Variants in FBXL17 observed in about 807,000 individuals in gnomAD.
FBXL17 encodes F-box and leucine rich repeat protein 17.
FBXL17 carries 22 observed loss-of-function variants against 66.2 expected under a neutral mutation model. That is an observed-to-expected ratio of 0.33 (90% CI 0.24 to 0.47). FBXL17 has a LOEUF of 0.47. Among genes scored for constraint, FBXL17 ranks in the 20% least tolerant of loss-of-function variants. The probability of loss-of-function intolerance (pLI) is 1.00; values close to 1 mark genes in which losing one functional copy is unlikely to be tolerated. For missense variants in FBXL17, 878 were observed against 948.2 expected (o/e 0.93, Z 0.97); for synonymous variants, 474 against 400.5 (o/e 1.18, Z -2.19).
chr5:108,349,335 C>A (rs761383743), intron 3 of FBXL17, among the ~76,000 whole-genome samples: 1 of 152,090 alleles, frequency 6.6e-6, no homozygotes, highest in Admixed American at 6.6e-5. Flanking sequence ...CCAAGGTGTT[C>A]ACAGTGGTTA....
At chr5:107,997,864 T>C (rs1023475337) in intron 7 of FBXL17, among the ~76,000 whole-genome samples, 1 of 152,212 alleles carries the variant, frequency 6.6e-6, no homozygotes, top group Non-Finnish European at 1.5e-5. Context: ...CAGTGACTGA[T>C]TGCATATTTG....
intron 6 of FBXL17, among the ~76,000 whole-genome samples, chr5:108,135,422 C>A (rs188270457): frequency 6.6e-6 from 1 of 152,262 alleles, no homozygotes; most frequent in Admixed American, 6.5e-5. Flanking sequence ...ATGCAAGCAT[C>A]TGGATCCTGA....
chr5:108,156,177 T>A lies in FBXL17; in HGVS notation c.1745+29940A>T, dbSNP rs866707355. Among the ~76,000 whole-genome samples the A allele has an allele frequency of 2.6e-5, 4 of 152,234 alleles. No homozygotes were observed. The South Asian group carries it at 8.3e-4, about 32-fold the overall frequency. On this transcript the variant is annotated intron_variant, in intron 6 of 8. Coordinates refer to ENST00000542267, the MANE Select transcript of FBXL17 (RefSeq NM_001163315.3). The stretch of plus-strand genomic sequence containing the variant: ...CTCATGATTTCTATTACAATAGGCA[T>A]CAGATCATACTTTAGTTATTGGTTC...
chr5:107,875,624 A>G (rs936398414), intron 8 of FBXL17, among the ~76,000 whole-genome samples: 3 of 152,118 alleles, frequency 2.0e-5, no homozygotes, highest in East Asian at 1.9e-4. Flanking sequence ...TATGGATTTG[A>G]TTTTAAAAAA....
At chr5:108,031,888 C>A (rs1746658618) in intron 6 of FBXL17, among the ~76,000 whole-genome samples, 1 of 152,066 alleles carries the variant, frequency 6.6e-6, no homozygotes, top group Non-Finnish European at 1.5e-5. Flanking sequence ...AAGTTGGGAA[C>A]TAAATTCAAC....
At position 108,338,231 on chromosome 5, in the gene FBXL17, C is replaced by T. The variant is rs185384075; in HGVS notation, c.1506+10168G>A. Reference sequence around the variant, plus strand: ...TGATGCAAATAATTTTATAACCTCTCGGCGTTCACTTGGACATTTAAACAG... The same window carrying T: ...TGATGCAAATAATTTTATAACCTCTTGGCGTTCACTTGGACATTTAAACAG... On this transcript the variant is annotated intron_variant, in intron 4 of 8. Coordinates refer to ENST00000542267, the MANE Select transcript of FBXL17 (RefSeq NM_001163315.3). 1.1e-4 allele frequency among the ~76,000 whole-genome samples: 16 copies of T among 152,006 alleles called. No homozygotes were observed. In the East Asian group the frequency reaches 2.9e-3, roughly 28 times the overall value.
intron 4 of FBXL17, among the ~76,000 whole-genome samples, chr5:108,281,565 G>T (rs1580738841): frequency 6.6e-6 from 1 of 151,750 alleles, no homozygotes; most frequent in African/African-American, 2.4e-5. Flanking sequence ...TGCATTAAAT[G>T]CCTAGATCAA....
intron 6 of FBXL17, among the ~76,000 whole-genome samples, chr5:108,119,227 G>A (rs1188061720): frequency 6.6e-6 from 1 of 152,158 alleles, no homozygotes; most frequent in African/African-American, 2.4e-5. Flanking sequence ...GGGTCAGATG[G>A]GAAGCTCCTG....
chr5:108,087,579 G>A (rs1561403410), intron 6 of FBXL17, among the ~76,000 whole-genome samples: 1 of 151,906 alleles, frequency 6.6e-6, no homozygotes, highest in Non-Finnish European at 1.5e-5. Context: ...GGAGGTTGAC[G>A]CCTAGTAAAC....
chr5:108,125,661 T>A (rs1750669705), intron 6 of FBXL17, among the ~76,000 whole-genome samples: 1 of 152,052 alleles, frequency 6.6e-6, no homozygotes, highest in South Asian at 2.1e-4. Flanking sequence ...ACGTGGTAGC[T>A]TGGGTGGGAT....
At chr5:108,060,389 TTTA>T (rs1747874091) in intron 6 of FBXL17, among the ~76,000 whole-genome samples, 1 of 152,084 alleles carries the variant, frequency 6.6e-6, no homozygotes, top group South Asian at 2.1e-4. Context: ...AGCCAATCTG[TTTA>T]TTATTTTATG....
chr5:108,380,310 T>C (rs923486591), intron 1 of FBXL17, among the ~76,000 whole-genome samples: 6 of 152,204 alleles, frequency 3.9e-5, no homozygotes, highest in Admixed American at 2.6e-4. Flanking sequence ...CCATCAAACA[T>C]GAAAGTAATG....
At chr5:108,356,733 T>C (rs1309287529) in intron 3 of FBXL17, among the ~76,000 whole-genome samples, 1 of 152,082 alleles carries the variant, frequency 6.6e-6, no homozygotes, top group African/African-American at 2.4e-5. Context: ...CTATACTGTA[T>C]CTATAATGGT....
At chr5:108,008,550 T>C (rs978037911) in intron 7 of FBXL17, among the ~76,000 whole-genome samples, 1 of 152,230 alleles carries the variant, frequency 6.6e-6, no homozygotes, top group African/African-American at 2.4e-5. Context: ...TTATTTATTA[T>C]TGATGCACAT....
chr5:108,348,717 T>C (rs1361008877), intron 3 of FBXL17, among the ~76,000 whole-genome samples, 187 bp from the exon 4 acceptor site: 2 of 152,216 alleles, frequency 1.3e-5, no homozygotes, highest in East Asian at 1.9e-4. Flanking sequence ...TTTAACCTTC[T>C]AATTTACCCC....
intron 4 of FBXL17, among the ~76,000 whole-genome samples, chr5:108,262,954 A>G (rs1290818075): frequency 6.6e-6 from 1 of 151,890 alleles, no homozygotes; most frequent in African/African-American, 2.4e-5. Flanking sequence ...TTATACAAGG[A>G]TACTGTTCAA....
chr5:107,975,848 G>T (rs13174945), intron 7 of FBXL17, among the ~76,000 whole-genome samples: 102,862 of 138,552 alleles, frequency 0.74, 37,957 homozygotes, highest in East Asian at 0.92. Flanking sequence ...GAGGGTTTTT[G>T]TTGTTGTTGT....
At chr5:108,081,227 A>C (rs1222917569) in intron 6 of FBXL17, among the ~76,000 whole-genome samples, 3 of 152,086 alleles carry the variant, frequency 2.0e-5, no homozygotes. Flanking sequence ...GGAGAGTATA[A>C]TGAGGCACAT....
intron 4 of FBXL17, among the ~76,000 whole-genome samples, chr5:108,266,104 AT>A (rs888429888): frequency 9.9e-5 from 15 of 151,330 alleles, no homozygotes; most frequent in East Asian, 1.9e-4. Flanking sequence ...AAAATATACG[AT>A]TTTTTTTTCA....
Sources: allele counts gnomAD v4.1 joint callset (sites outside exome capture counted in the v4.1 genomes callset), GRCh38; gene constraint gnomAD v4.1.1; transcripts MANE v1.5; gene names NCBI Gene and HGNC (gene_info 2026-07-23, HGNC 2026-07-21).